The following AEBP2 variants were observed in gnomAD, a reference collection of about 807,000 sequenced individuals.
The protein encoded by AEBP2 is zinc finger protein AEBP2.
In AEBP2, 10 loss-of-function variants were observed where a neutral mutation model predicts 50.8. That is an observed-to-expected ratio of 0.20 (90% CI 0.12 to 0.33). The LOEUF (loss-of-function observed/expected upper bound fraction) is 0.33. AEBP2 is among the 10% of genes least tolerant of loss of function. The pLI, the probability that AEBP2 is intolerant of heterozygous loss-of-function variation, is 1.00. For missense variants in AEBP2, 570 were observed against 688.0 expected (o/e 0.83, Z 1.92); for synonymous variants, 296 against 261.3 (o/e 1.13, Z -1.28).
intron 1 of AEBP2, among the ~76,000 whole-genome samples, chr12:19,411,281 C>CTT (rs1412211722): frequency 6.6e-6 from 1 of 152,218 alleles, no homozygotes. Context: ...GTTAGAACAA[C>CTT]TATCCAGCTG....
chr12:19,473,954 G>GT (rs967817843), intron 3 of AEBP2, among the ~76,000 whole-genome samples: 5 of 151,800 alleles, frequency 3.3e-5, no homozygotes, highest in African/African-American at 9.7e-5. Flanking sequence ...AGCCATGTTG[G>GT]TTTTTTTTAA....
intron 5 of AEBP2, among the ~76,000 whole-genome samples, chr12:19,511,412 C>G (rs1448834497): frequency 6.6e-6 from 1 of 150,928 alleles, no homozygotes; most frequent in Non-Finnish European, 1.5e-5. Context: ...TAAAGGCGTT[C>G]AAGGCAGAAA....
intron 1 of AEBP2, among the ~76,000 whole-genome samples, chr12:19,414,923 C>CA (rs75855242): frequency 0.023 from 2,691 of 117,910 alleles, 48 homozygotes; most frequent in African/African-American, 0.062. Flanking sequence ...ATTCTATCTC[C>CA]AAAAAAAAAA....
At chr12:19,486,267 G>A (rs886683819) in intron 3 of AEBP2, among the ~76,000 whole-genome samples, 2 of 152,076 alleles carry the variant, frequency 1.3e-5, no homozygotes, top group Admixed American at 6.6e-5. Context: ...AAATATCAGC[G>A]AGATTTGTAC....
At chr12:19,513,916 G>T (rs1222454776) in intron 6 of AEBP2, among the ~76,000 whole-genome samples, 1 of 132,022 alleles carries the variant, frequency 7.6e-6, no homozygotes, top group South Asian at 2.5e-4. Context: ...TTTTAATGGA[G>T]TTTAGTCTTA....
At chr12:19,506,184 C>T (rs1235225043) in intron 5 of AEBP2, among the ~76,000 whole-genome samples, 1 of 152,058 alleles carries the variant, frequency 6.6e-6, no homozygotes, top group Non-Finnish European at 1.5e-5. Context: ...GCAACCTCTG[C>T]CTCCCAGGTT....
chr12:19,421,242 G>C (rs1347091404), intron 1 of AEBP2, among the ~76,000 whole-genome samples: 1 of 150,268 alleles, frequency 6.7e-6, no homozygotes, highest in Non-Finnish European at 1.5e-5. Context: ...TACTCAGGAT[G>C]CTGAGCCAGA....
At chr12:19,450,859 A>AT (rs530384693) in intron 1 of AEBP2, among the ~76,000 whole-genome samples, 7,402 of 142,090 alleles carry the variant, frequency 0.052, 604 homozygotes, top group African/African-American at 0.18. Context: ...AAAAAGGGTC[A>AT]TTTTTTTTTT....
In AEBP2 at chr12:19,439,717, C is replaced by A; in HGVS notation, c.18C>A (p.Thr6=). The change falls in exon 1 of 8, where the codon ACC becomes ACA. Residue 6 remains threonine (T), a synonymous_variant. Transcript: ENST00000266508. The stretch of plus-strand genomic sequence containing the variant: ...GCGCCGCCATGGCCGCCGCTATCAC[C>A]GACATGGCCGACCTGGAGGAGCTCT... The part of the protein sequence containing the change: MAAAI[T]DMADLEELSR... 1.3e-6 allele frequency: 2 copies of A among 1,516,786 alleles called. No individual in the cohort carries two copies. Among genetic ancestry groups the A allele is most frequent in the East Asian group, 2.7e-5 (1 of 37,692 alleles). The allele number at this position is 1,516,786 out of a possible 1,614,324, so 94.0% of individuals were successfully genotyped here. A position where few individuals can be genotyped will look rare whatever the true frequency, so the allele number is the denominator to read the frequency against.
chr12:19,456,786 A>G, intron 1 of AEBP2: 2 of 1,576,008 alleles, frequency 1.3e-6, no homozygotes, highest in Non-Finnish European at 1.7e-6. Flanking sequence ...TTTAATGTTG[A>G]CTGGAGCAAA....
At chr12:19,429,338 T>C (rs2095750227) in intron 1 of AEBP2, among the ~76,000 whole-genome samples, 1 of 152,196 alleles carries the variant, frequency 6.6e-6, no homozygotes, top group South Asian at 2.1e-4. Context: ...TAGTATTCCT[T>C]GGTGTATATG....
chr12:19,439,847 G>C lies in AEBP2; in HGVS notation c.148G>C (p.Glu50Gln). Reference sequence around the variant, plus strand: ...AGAGGAGGAGGAGGAAGAGGAGGCGGAGGCCGAGGCGGTGGCGGCGCTGCT... The same window carrying C: ...AGAGGAGGAGGAGGAAGAGGAGGCGCAGGCCGAGGCGGTGGCGGCGCTGCT... ...EEEEEEEEEA[E>Q]AEAVAALLLN... is the part of the protein sequence containing the mutation. Residue 50 changes from glutamate (E) to glutamine (Q), a missense_variant, in exon 1 of 8, where the codon GAG (glutamate) becomes CAG (glutamine). Transcript: ENST00000266508. 1 of 1,492,862 alleles carries C rather than the reference G, an allele frequency of 6.7e-7. No individual in the cohort carries two copies. The highest frequency in any genetic ancestry group is 8.8e-7 in the Non-Finnish European group (1 of 1,130,316). The allele number at this position is 1,492,862 out of a possible 1,614,324, so 92.5% of individuals were successfully genotyped here.
At chr12:19,468,372 T>C (rs1948519291) in intron 2 of AEBP2, among the ~76,000 whole-genome samples, 1 of 152,130 alleles carries the variant, frequency 6.6e-6, no homozygotes, top group Non-Finnish European at 1.5e-5. Context: ...TTACTCAGTA[T>C]AATTAGGCCT....
chr12:19,444,517 G>A (rs986732222), intron 1 of AEBP2, among the ~76,000 whole-genome samples: 1 of 152,342 alleles, frequency 6.6e-6, no homozygotes, highest in African/African-American at 2.4e-5. Flanking sequence ...CAGATCACAT[G>A]AGGTCAGGAG....
In AEBP2 at chr12:19,439,591, C is replaced by T. The variant is rs1947902398; in HGVS notation, c.-109C>T. 3 of 1,393,034 alleles carry T rather than the reference C, an allele frequency of 2.2e-6. No individual in the cohort carries two copies. In the Admixed American group the frequency reaches 6.9e-5, roughly 32 times the overall value. 86.3% of individuals were successfully genotyped at this position (1,393,034 alleles called of 1,614,324 possible). A position where few individuals can be genotyped will look rare whatever the true frequency, so the allele number is the denominator to read the frequency against. On this transcript the variant is annotated 5_prime_UTR_variant, in exon 1 of 8. Coordinates refer to ENST00000266508, the MANE Select transcript of AEBP2 (RefSeq NM_153207.5). ...GCTCGCGGGCCCTCCTCCTGCTCTG[C>T]AGCGGCGTCGGCGGAGTTTTGGGCG...
chr12:19,457,053 A>G, intron 1 of AEBP2: 5 of 1,608,116 alleles, frequency 3.1e-6, no homozygotes, highest in Admixed American at 3.3e-5. Context: ...CATTCCAACC[A>G]GAAATTGGCA....
intron 5 of AEBP2, among the ~76,000 whole-genome samples, chr12:19,511,936 G>T (rs558423582): frequency 1.3e-5 from 2 of 152,054 alleles, no homozygotes; most frequent in Non-Finnish European, 2.9e-5. Flanking sequence ...GAAAGACAAA[G>T]GTTTGAGTGC....
chr12:19,440,254 C>T lies in AEBP2; in HGVS notation c.555C>T (p.Gly185=). The part of the protein sequence containing the change: ...SSSSSVVSSG[G]DEGYGTGGGG... ...GCAGCAGCGTAGTCTCCAGCGGCGG[C>T]GACGAGGGCTACGGGACTGGGGGAG... Residue 185 remains glycine, a synonymous_variant, in exon 1 of 8, where the codon GGC becomes GGT. Transcript: ENST00000266508. 1 of 1,466,594 alleles carries T rather than the reference C, an allele frequency of 6.8e-7. No individual in the cohort carries two copies. The highest frequency in any genetic ancestry group is 8.9e-7 in the Non-Finnish European group (1 of 1,120,124). The allele number at this position is 1,466,594 out of a possible 1,614,324, so 90.8% of individuals were successfully genotyped here.
chr12:19,424,250 A>G (rs1336805960), intron 1 of AEBP2, among the ~76,000 whole-genome samples: 5 of 152,202 alleles, frequency 3.3e-5, no homozygotes, highest in Non-Finnish European at 4.4e-5. Context: ...GTGGCAAAGC[A>G]TGCAACACAG....
Sources: allele counts gnomAD v4.1 joint callset (sites outside exome capture counted in the v4.1 genomes callset), GRCh38; gene constraint gnomAD v4.1.1; transcripts MANE v1.5; gene names NCBI Gene and HGNC (gene_info 2026-07-23, HGNC 2026-07-21).